The following BANK1 variants were observed in gnomAD, a reference collection of about 807,000 sequenced individuals.
BANK1 encodes B cell scaffold protein with ankyrin repeats 1, also known as B-cell scaffold protein with ankyrin repeats.
BANK1 carries 95 observed loss-of-function variants against 94.5 expected under a neutral mutation model. That is an observed-to-expected ratio of 1.00 (90% CI 0.85 to 1.19). The LOEUF (loss-of-function observed/expected upper bound fraction) is 1.19, where lower values mean the gene tolerates loss of function less well. Ranked by LOEUF, BANK1 falls within the 50% of genes most tolerant of loss-of-function variation. The pLI, the probability that BANK1 is intolerant of heterozygous loss-of-function variation, is 0.00. For synonymous variants in BANK1, 334 were observed against 308.4 expected (o/e 1.08, Z -0.87); for missense variants, 987 against 932.2 (o/e 1.06, Z -0.77).
At chr4:101,803,433 C>T (rs1052687612) in intron 1 of BANK1, among the ~76,000 whole-genome samples, 2 of 151,958 alleles carry the variant, frequency 1.3e-5, no homozygotes, top group African/African-American at 4.8e-5. Flanking sequence ...AGATTAATTC[C>T]AGCTATTTAG....
At chr4:101,950,315 A>G (rs903535035) in intron 7 of BANK1, among the ~76,000 whole-genome samples, 1 of 150,532 alleles carries the variant, frequency 6.6e-6, no homozygotes, top group African/African-American at 2.5e-5. Context: ...GATTGTTACA[A>G]TATACACTGT....
rs199932460 is a variant in BANK1 at position 102,063,121 on chromosome 4, A to T, written c.2195A>T (p.Glu732Val). Residue 732 changes from glutamate (E) to valine (V), a missense_variant, in exon 13 of 17, where the codon GAA becomes GTA. Physicochemically the swap from Glu to Val is moderately radical, Grantham distance 121. Coordinates refer to ENST00000322953, the MANE Select transcript of BANK1 (RefSeq NM_017935.5). Reference sequence around the variant, plus strand: ...GACTGCATTATTGGGAAAAGGCCAGAAGAAGAAAATGTCTATAGTAAGTAA... The same window carrying T: ...GACTGCATTATTGGGAAAAGGCCAGTAGAAGAAAATGTCTATAGTAAGTAA... ...LRDCIIGKRP[E>V]EENVYNKLTI... The T allele has an allele frequency of 1.2e-6, 2 of 1,613,386 alleles. No individual in the cohort carries two copies. The highest frequency in any genetic ancestry group is 4.5e-5 in the East Asian group (2 of 44,830).
chr4:101,790,921 A>G lies in BANK1; in HGVS notation c.41A>G (p.Asp14Gly), dbSNP rs1724956830. Residue 14 changes from aspartate (D) to glycine (G), a missense_variant, in exon 1 of 17, where the codon GAC becomes GGC. Asp to Gly is a moderately conservative substitution (Grantham distance 94, BLOSUM62 -1). Transcript: ENST00000322953. ...AAPGKGLGSP[D>G]PAPCGPAPPG... ...CCAGGCAAGGGGCTTGGGAGCCCGG[A>G]CCCCGCCCCCTGCGGCCCAGCGCCC... is the stretch of plus-strand genomic sequence containing the variant. 6.5e-7 allele frequency: 1 copy of G among 1,533,090 alleles called. No homozygotes were observed. Among genetic ancestry groups the G allele is most frequent in the Non-Finnish European group, 8.7e-7 (1 of 1,145,080 alleles). The allele number at this position is 1,533,090 out of a possible 1,614,324, so 95.0% of individuals were successfully genotyped here. A position where few individuals can be genotyped will look rare whatever the true frequency, so the allele number is the denominator to read the frequency against.
At position 101,819,815 on chromosome 4, in the gene BANK1, A is replaced by G. The variant is rs139616139; in HGVS notation, c.71-9993A>G. Among the ~76,000 whole-genome samples the G allele has an allele frequency of 7.9e-3, 1,193 of 151,358 alleles. 18 individuals are homozygous for G. Among genetic ancestry groups the G allele is most frequent in the African/African-American group, 0.027 (1,125 of 41,490 alleles). On this transcript the variant is annotated intron_variant, in intron 1 of 16. Transcript: ENST00000322953. ...CGAAGGGAACATCAGAACACTCTAGAGTAGAGGTCAGCAAATGATAGTCAG... is the reference window on the plus strand; with the variant it reads ...CGAAGGGAACATCAGAACACTCTAGGGTAGAGGTCAGCAAATGATAGTCAG...
rs1185065974 is a variant in BANK1, at chr4:101,986,882, T to A, written c.1207-34632T>A. 6.4e-5 allele frequency among the ~76,000 whole-genome samples: 6 copies of A among 93,764 alleles called. 1 individual carries two copies. The highest frequency in any genetic ancestry group is 1.2e-4 in the Non-Finnish European group (6 of 49,366). 61.5% of individuals were successfully genotyped at this position (93,764 alleles called of 152,430 possible). ...ATATATATATGTGTGTATGTGTGTGTGTGTGTGTGTGTGTGTGTATATATA... is the reference window on the plus strand; with the variant it reads ...ATATATATATGTGTGTATGTGTGTGAGTGTGTGTGTGTGTGTGTATATATA... On this transcript the variant is annotated intron_variant, in intron 7 of 16. Transcript: ENST00000322953.
intron 2 of BANK1, among the ~76,000 whole-genome samples, chr4:101,849,353 A>G (rs1268272008): frequency 1.3e-5 from 2 of 152,188 alleles, no homozygotes; most frequent in East Asian, 3.9e-4. Flanking sequence ...ATATAGGTCC[A>G]ATGGCTAGAA....
At chr4:101,795,695 T>G (rs1725131884) in intron 1 of BANK1, among the ~76,000 whole-genome samples, 1 of 152,220 alleles carries the variant, frequency 6.6e-6, no homozygotes, top group South Asian at 2.1e-4. Context: ...CTGGTTTCAA[T>G]TAATGGGATA....
At chr4:101,847,208 TG>T (rs1388159599) in intron 2 of BANK1, among the ~76,000 whole-genome samples, 1 of 64,840 alleles carries the variant, frequency 1.5e-5, no homozygotes, top group Non-Finnish European at 3.4e-5. Flanking sequence ...AGTGTGTGTG[TG>T]TGTGTGTGTG....
chr4:101,821,210 A>G (rs1249620482), intron 1 of BANK1, among the ~76,000 whole-genome samples: 1 of 152,086 alleles, frequency 6.6e-6, no homozygotes, highest in Admixed American at 6.6e-5. Flanking sequence ...AGTGATATTG[A>G]GGTTTTTTCC....
intron 2 of BANK1, among the ~76,000 whole-genome samples, chr4:101,837,564 G>A (rs1416891375): frequency 1.3e-5 from 2 of 151,986 alleles, no homozygotes; most frequent in African/African-American, 4.8e-5. Context: ...AAGGTTTCAA[G>A]GATTTTTCCC....
At position 101,890,681 on chromosome 4, in the gene BANK1, C is replaced by T. The variant is rs190889647; in HGVS notation, c.904-4624C>T. Among the ~76,000 whole-genome samples the T allele has an allele frequency of 4.5e-4, 66 of 148,186 alleles. 1 individual carries two copies. The highest frequency in any genetic ancestry group is 7.2e-3 in the Middle Eastern group (2 of 276). On this transcript the variant is annotated intron_variant, in intron 5 of 16. Transcript: ENST00000322953. ...GTTAAATCATATTTTTAAATCCACT[C>T]TATTTTTTGTTTTTAATTTTCTCTG...
chr4:101,848,053 T>A (rs1471517910), intron 2 of BANK1, among the ~76,000 whole-genome samples: 1 of 152,124 alleles, frequency 6.6e-6, no homozygotes, highest in African/African-American at 2.4e-5. Flanking sequence ...CTCCTCTACC[T>A]CGGTGTTTTG....
At chr4:101,800,511 C>T (rs1289813108) in intron 1 of BANK1, among the ~76,000 whole-genome samples, 1 of 151,980 alleles carries the variant, frequency 6.6e-6, no homozygotes, top group African/African-American at 2.4e-5. Flanking sequence ...TATATCATCC[C>T]TTCCTTTTTA....
At chr4:101,854,402 T>C (rs2148873930) in intron 2 of BANK1, among the ~76,000 whole-genome samples, 1 of 152,310 alleles carries the variant, frequency 6.6e-6, no homozygotes, top group Admixed American at 6.5e-5. Flanking sequence ...TGCTGCTTCT[T>C]TGAGATTCAA....
At chr4:101,996,061 G>C (rs1425866743) in intron 7 of BANK1, among the ~76,000 whole-genome samples, 1 of 151,300 alleles carries the variant, frequency 6.6e-6, no homozygotes, top group African/African-American at 2.4e-5. Context: ...GTTTTCTTCT[G>C]GGGTTACATT....
chr4:101,973,468 G>T (rs1043267956), intron 7 of BANK1, among the ~76,000 whole-genome samples: 2 of 152,036 alleles, frequency 1.3e-5, no homozygotes, highest in Non-Finnish European at 2.9e-5. Flanking sequence ...ACATGACTGA[G>T]TCCAGAGCTT....
chr4:101,880,001 C>T (rs1386453450), intron 5 of BANK1, among the ~76,000 whole-genome samples: 1 of 151,956 alleles, frequency 6.6e-6, no homozygotes, highest in Non-Finnish European at 1.5e-5. Context: ...TGGGTAAAAA[C>T]TCAAATACTT....
At chr4:101,946,838 A>C (rs1462051748) in intron 7 of BANK1, among the ~76,000 whole-genome samples, 1 of 152,018 alleles carries the variant, frequency 6.6e-6, no homozygotes, top group Non-Finnish European at 1.5e-5. Flanking sequence ...AAATTCTAGA[A>C]GGTCATGTGG....
intron 6 of BANK1, among the ~76,000 whole-genome samples, chr4:101,903,317 C>A (rs4624656): frequency 0.95 from 144,317 of 152,310 alleles, 68,423 homozygotes; most frequent in Admixed American, 0.96. Context: ...ACTATTTATA[C>A]AAGCTAGCTG....
Sources: allele counts gnomAD v4.1 joint callset (sites outside exome capture counted in the v4.1 genomes callset), GRCh38; gene constraint gnomAD v4.1.1; transcripts MANE v1.5; gene names NCBI Gene and HGNC (gene_info 2026-07-23, HGNC 2026-07-21).